Variants in GTPBP10 observed in about 807,000 individuals in gnomAD.
GTPBP10 encodes the protein GTP-binding protein 10.
Under a neutral mutation model 44.8 loss-of-function variants are expected in GTPBP10, and 38 were observed. The ratio of observed to expected loss-of-function variants is 0.85; its 90% confidence interval spans 0.65 to 1.11. The LOEUF (loss-of-function observed/expected upper bound fraction) is 1.11, where lower values mean the gene tolerates loss of function less well. Ranked by LOEUF, GTPBP10 falls within the 50% of genes most tolerant of loss-of-function variation. GTPBP10 has a pLI of 0.00. For synonymous variants in GTPBP10, 152 were observed against 150.6 expected (o/e 1.01, Z -0.07); for missense variants, 462 against 453.7 (o/e 1.02, Z -0.17).
At chr7:90,378,105 G>A in intron 7 of GTPBP10, 29 bp from the exon 8 acceptor site, 1 of 1,589,794 alleles carries the variant, frequency 6.3e-7, no homozygotes, top group South Asian at 1.1e-5. Context: ...GTATGTTAAA[G>A]GCTGTCTCTT....
intron 9 of GTPBP10, among the ~76,000 whole-genome samples, chr7:90,384,540 A>G (rs1321627436): frequency 6.6e-6 from 1 of 151,996 alleles, no homozygotes; most frequent in African/African-American, 2.4e-5. Context: ...AAATGATGTT[A>G]TTATTTTTAC....
At chr7:90,347,847 G>T (rs1435685465) in intron 1 of GTPBP10, among the ~76,000 whole-genome samples, 3 of 152,214 alleles carry the variant, frequency 2.0e-5, no homozygotes, top group Non-Finnish European at 4.4e-5. Context: ...TAGAGGAAAA[G>T]CATGAGCAGA....
rs1796614995 is a variant in GTPBP10, at chr7:90,391,442, A to G, written c.*6288A>G. 6.6e-6 allele frequency: 1 copy of G among 152,226 alleles called. No individual in the cohort carries two copies. Among genetic ancestry groups the G allele is most frequent in the Admixed American group, 6.5e-5 (1 of 15,290 alleles). The allele number at this position is 152,226 out of a possible 1,614,324, so 9.4% of individuals were successfully genotyped here. On this transcript the variant is annotated 3_prime_UTR_variant, in exon 10 of 10. Transcript: ENST00000222511. ...CAATTAATATATTGTAATAAAAGCT[A>G]TGTTAATGTGGTCTCCCTCTCGAAA... is the stretch of plus-strand genomic sequence containing the variant.
intron 4 of GTPBP10, among the ~76,000 whole-genome samples, chr7:90,366,019 A>C (rs1385651755): frequency 1.3e-5 from 2 of 152,204 alleles, no homozygotes; most frequent in African/African-American, 4.8e-5. Flanking sequence ...CTATTGAGAT[A>C]ATCATGTGGT....
Position 90,384,876 on chromosome 7 carries a change from G to C in GTPBP10, c.902-16G>C. 14 of 1,580,270 alleles carry C rather than the reference G, an allele frequency of 8.9e-6. No homozygotes were observed. Among genetic ancestry groups the C allele is most frequent in the Non-Finnish European group, 1.1e-5 (13 of 1,164,996 alleles). On this transcript the variant is annotated splice_polypyrimidine_tract_variant and intron_variant, in intron 9 of 9. Coordinates refer to ENST00000222511, the MANE Select transcript of GTPBP10 (RefSeq NM_033107.4). ...AAAACAATGGAAATCAGCTTTGTTT[G>C]TGCTCTTTCTTTTAGATTTTCTGCA...
intron 4 of GTPBP10, among the ~76,000 whole-genome samples, chr7:90,359,555 G>C (rs1795972449): frequency 6.6e-6 from 1 of 152,114 alleles, no homozygotes; most frequent in Non-Finnish European, 1.5e-5. Flanking sequence ...TGGACATTTG[G>C]GTTGGTTCCA....
At chr7:90,354,183 C>A (rs910696561) in intron 2 of GTPBP10, among the ~76,000 whole-genome samples, 1 of 151,972 alleles carries the variant, frequency 6.6e-6, no homozygotes, top group Admixed American at 6.6e-5. Context: ...TTCATGGTTG[C>A]AATATTTTAG....
chr7:90,384,997 A>G lies in GTPBP10; in HGVS notation c.1007A>G (p.Lys336Arg). The stretch of plus-strand genomic sequence containing the variant: ...ACTGGAGAAGGAATCGAAGAATTAA[A>G]GAATTGTATAAGAAAGTCACTGGAT... ...AVTGEGIEEL[K>R]NCIRKSLDEQ... The change falls in exon 10 of 10, where the codon AAG becomes AGG. Residue 336 changes from lysine to arginine, a missense_variant. Lys to Arg is a conservative substitution (Grantham distance 26). Transcript: ENST00000222511. The G allele has an allele frequency of 6.2e-7, 1 of 1,614,000 alleles. No homozygotes were observed. Among genetic ancestry groups the G allele is most frequent in the Non-Finnish European group, 8.5e-7 (1 of 1,179,924 alleles).
At chr7:90,370,193 C>G (rs1209226056) in intron 4 of GTPBP10, among the ~76,000 whole-genome samples, 1 of 152,030 alleles carries the variant, frequency 6.6e-6, no homozygotes, top group Non-Finnish European at 1.5e-5. Flanking sequence ...TCCAGCAATC[C>G]CACTACAGGA....
intron 8 of GTPBP10, among the ~76,000 whole-genome samples, chr7:90,382,012 T>G (rs1056080000): frequency 6.6e-6 from 1 of 152,092 alleles, no homozygotes; most frequent in Non-Finnish European, 1.5e-5. Flanking sequence ...TTTTTTTTAA[T>G]GTGACCCCAA....
In GTPBP10 at chr7:90,388,197, T is replaced by C. The variant is rs1427098451; in HGVS notation, c.*3043T>C. On this transcript the variant is annotated 3_prime_UTR_variant, in exon 10 of 10. Transcript: ENST00000222511. ...TGGAGAAGATCAGATTCCTTTTTTA[T>C]CTTATAAAAAATAATTTTGAAACAA... 1.3e-5 allele frequency: 2 copies of C among 152,242 alleles called. No homozygotes were observed. The highest frequency in any genetic ancestry group is 2.9e-5 in the Non-Finnish European group (2 of 68,038). 9.4% of individuals were successfully genotyped at this position (152,242 alleles called of 1,614,324 possible).
At chr7:90,377,667 T>C in intron 7 of GTPBP10, 53 bp downstream of exon 7, 1 of 1,256,294 alleles carries the variant, frequency 8.0e-7, no homozygotes, top group Non-Finnish European at 1.1e-6. Context: ...AACCAGTGAA[T>C]TTAGTTTTTC....
chr7:90,354,467 A>G lies in GTPBP10; in HGVS notation c.237A>G (p.Ala79=). The G allele has an allele frequency of 2.6e-6, 4 of 1,563,840 alleles. No homozygotes were observed. The highest frequency in any genetic ancestry group is 3.5e-6 in the Non-Finnish European group (4 of 1,149,712). The change falls in exon 3 of 10, where the codon GCA becomes GCG. Residue 79 remains alanine (A), a synonymous_variant. Coordinates refer to ENST00000222511, the MANE Select transcript of GTPBP10 (RefSeq NM_033107.4). Reference sequence around the variant, plus strand: ...ACTTTTTTTTTGGTAGAATTAGTGCACTGAAAGGCTCCAAAGGAAAAGACT... The same window carrying G: ...ACTTTTTTTTTGGTAGAATTAGTGCGCTGAAAGGCTCCAAAGGAAAAGACT... ...AGVGANSKIS[A]LKGSKGKDCE... is the part of the protein sequence containing the mutation.
intron 4 of GTPBP10, among the ~76,000 whole-genome samples, chr7:90,371,412 A>G (rs17865363): frequency 6.6e-6 from 1 of 152,362 alleles, no homozygotes; most frequent in Non-Finnish European, 1.5e-5. Flanking sequence ...AAAAAATATG[A>G]AAACTTGAAC....
intron 4 of GTPBP10, chr7:90,371,319 C>A: frequency 4.6e-6 from 1 of 217,604 alleles, no homozygotes; most frequent in Non-Finnish European, 7.8e-6. Context: ...TTACACTTCA[C>A]CATTGAAAAG....
At chr7:90,366,474 A>G (rs562569680) in intron 4 of GTPBP10, among the ~76,000 whole-genome samples, 14 of 152,280 alleles carry the variant, frequency 9.2e-5, no homozygotes, top group Non-Finnish European at 1.6e-4. Context: ...TGGTCTATTC[A>G]GAGATTCAAA....
intron 1 of GTPBP10, among the ~76,000 whole-genome samples, chr7:90,351,221 C>G (rs1795784705): frequency 6.6e-6 from 1 of 152,212 alleles, no homozygotes; most frequent in Non-Finnish European, 1.5e-5. Flanking sequence ...TTTCTCTTGA[C>G]TGCAAATGCT....
At chr7:90,376,656 A>G (rs1231674501) in intron 6 of GTPBP10, among the ~76,000 whole-genome samples, 1 of 152,220 alleles carries the variant, frequency 6.6e-6, no homozygotes, top group Non-Finnish European at 1.5e-5. Flanking sequence ...TAATGTAGTA[A>G]AGTCTCTTAA....
Position 90,346,776 on chromosome 7 carries a change from T to G in GTPBP10, c.33+2T>G. On this transcript the variant is annotated splice_donor_variant, in intron 1 of 9. Transcript: ENST00000222511. LOFTEE classifies it high-confidence loss of function. ...TGCAGTTGCGTGTTGTTCAGAAAGG[T>G]CCGTGCGGGTCCCCTCAGCCTGGTC... The G allele has an allele frequency of 6.2e-7, 1 of 1,614,160 alleles. No individual in the cohort carries two copies. The highest frequency in any genetic ancestry group is 8.5e-7 in the Non-Finnish European group (1 of 1,179,994).
Sources: gnomAD v4.1 joint callset for allele counts (sites outside exome capture counted in the v4.1 genomes callset) on GRCh38, gnomAD v4.1.1 for gene constraint, MANE v1.5 for transcripts, NCBI Gene and HGNC (gene_info 2026-07-23, HGNC 2026-07-21) for gene names.